Variants in NHERF2 observed in about 807,000 individuals in gnomAD.
NHERF2 encodes Na(+)/H(+) exchange regulatory cofactor NHE-RF2.
chr16:2,035,370 C>CA, the NHERF2 span: 5 of 949,796 alleles, frequency 5.3e-6, no homozygotes, highest in Non-Finnish European at 6.1e-6. Context: ...GTCTGAGCGC[C>CA]CCCTTGCCAT....
At chr16:2,036,217 C>T in the NHERF2 span, 12 of 1,193,750 alleles carry the variant, frequency 1.0e-5, no homozygotes, top group South Asian at 3.1e-5. Context: ...TGGGCCTGCC[C>T]GTGGGGGGCA....
the NHERF2 span, chr16:2,035,825 T>G: frequency 6.2e-4 from 219 of 351,520 alleles, 1 homozygote; most frequent in Middle Eastern, 0.012. Context: ...GGCGGCTCAT[T>G]TTCCTGGAAT....
At chr16:2,036,341 G>A in the NHERF2 span, 1 of 1,609,806 alleles carries the variant, frequency 6.2e-7, no homozygotes, top group South Asian at 1.1e-5. Flanking sequence ...GTGGGCCCCT[G>A]AGGGAGCTGC....
chr16:2,037,432 C>T, the NHERF2 span: 12 of 1,106,214 alleles, frequency 1.1e-5, no homozygotes, highest in South Asian at 6.7e-5. Flanking sequence ...GGCCCCCTGC[C>T]GAGTGGAGGA....
the NHERF2 span, chr16:2,032,934 T>G: frequency 9.2e-7 from 1 of 1,084,684 alleles, no homozygotes; most frequent in South Asian, 2.4e-5. The surrounding 1 kb of genome is among the most constrained non-coding windows in gnomAD (Gnocchi z 4.0). Flanking sequence ...GGGGTGACAG[T>G]TCTGCGGGAG....
chr16:2,033,086 G>A, the NHERF2 span: 1 of 985,408 alleles, frequency 1.0e-6, no homozygotes, highest in Admixed American at 6.1e-5. Context: ...CCTGGGGCAG[G>A]GCAGGGCCTT....
the NHERF2 span, chr16:2,038,277 G>A: frequency 1.5e-3 from 834 of 545,272 alleles, 22 homozygotes; most frequent in East Asian, 0.024. Flanking sequence ...GCGAGCGCGC[G>A]GCAGCCGCGG....
chr16:2,037,041 G>A, the NHERF2 span: 4 of 1,546,694 alleles, frequency 2.6e-6, no homozygotes, highest in Non-Finnish European at 3.5e-6. Flanking sequence ...TGCCTCTGGG[G>A]GTACCCAGGC....
At chr16:2,032,534 G>A in the NHERF2 span, among the ~76,000 whole-genome samples, 1 of 152,270 alleles carries the variant, frequency 6.6e-6, no homozygotes, top group South Asian at 2.1e-4. The surrounding 1 kb of genome is among the most constrained non-coding windows in gnomAD (Gnocchi z 4.0). Context: ...TGGAAGGGAT[G>A]TGTGTAGTTT....
the NHERF2 span, among the ~76,000 whole-genome samples, chr16:2,032,629 G>A: frequency 6.6e-6 from 1 of 152,224 alleles, no homozygotes; most frequent in African/African-American, 2.4e-5. The surrounding 1 kb of genome is among the most constrained non-coding windows in gnomAD (Gnocchi z 4.0). Flanking sequence ...GTCCTGGCTG[G>A]GGATAGGGGA....
At chr16:2,038,452 A>G in the NHERF2 span, 6 of 382,672 alleles carry the variant, frequency 1.6e-5, no homozygotes, top group Non-Finnish European at 2.9e-5. Flanking sequence ...CGCTCTAAAT[A>G]ATTGCAATAA....
the NHERF2 span, chr16:2,036,461 T>G: frequency 2.5e-6 from 4 of 1,602,464 alleles, no homozygotes; most frequent in Non-Finnish European, 3.4e-6. Context: ...CGGGCTCACC[T>G]GCCGCCCGCT....
the NHERF2 span, chr16:2,038,018 C>G: frequency 1.9e-5 from 31 of 1,609,566 alleles, no homozygotes; most frequent in Admixed American, 4.8e-4. Context: ...CCCTGGGACC[C>G]CTCCCGCACG....
At chr16:2,033,363 C>T in the NHERF2 span, 23 of 1,533,042 alleles carry the variant, frequency 1.5e-5, no homozygotes, top group Admixed American at 3.1e-4. Flanking sequence ...TGGCACGCTC[C>T]GGGAGTGCCA....
chr16:2,035,625 AGGT>A, the NHERF2 span: 4 of 986,290 alleles, frequency 4.1e-6, no homozygotes, highest in Non-Finnish European at 4.8e-6. Flanking sequence ...CCTGGCTGGG[AGGT>A]GGTCATTGGG....
At chr16:2,038,353 T>C in the NHERF2 span, 9 of 459,534 alleles carry the variant, frequency 2.0e-5, no homozygotes, top group South Asian at 1.2e-4. Flanking sequence ...TTGCTTTTTT[T>C]CCAAAAAGAT....
chr16:2,038,086 C>A, the NHERF2 span: 10 of 1,409,980 alleles, frequency 7.1e-6, no homozygotes, highest in South Asian at 1.3e-5. Context: ...GGAGGGTGGT[C>A]CTGCCATTGC....
At chr16:2,026,995 C>T in the NHERF2 span, 1 of 1,107,762 alleles carries the variant, frequency 9.0e-7, no homozygotes, top group Non-Finnish European at 1.1e-6. Flanking sequence ...GGCCGGTGGG[C>T]AGCGGGCGCC....
the NHERF2 span, chr16:2,036,205 C>T: frequency 9.4e-7 from 1 of 1,059,508 alleles, no homozygotes; most frequent in Non-Finnish European, 1.3e-6. Context: ...GCCACTGAGA[C>T]CTGGGCCTGC....
Sources: gnomAD v4.1 joint callset for allele counts (sites outside exome capture counted in the v4.1 genomes callset) on GRCh38, gnomAD v4.1.1 for gene constraint, Gnocchi (gnomAD v3.1) non-coding constraint, MANE v1.5 for transcripts, NCBI Gene and HGNC (gene_info 2026-07-23, HGNC 2026-07-21) for gene names.